Variants in SYN3 observed in about 807,000 individuals in gnomAD.
SYN3 encodes synapsin-3.
A neutral mutation model predicts 65.8 loss-of-function variants in SYN3; 35 were observed. The observed-to-expected ratio is 0.53, with a 90% CI of 0.41 to 0.70. The LOEUF (loss-of-function observed/expected upper bound fraction) is 0.70, where lower values mean the gene tolerates loss of function less well. SYN3 is among the 30% of genes least tolerant of loss of function. The pLI is 0.00. For synonymous variants in SYN3, 270 were observed against 292.9 expected (o/e 0.92, Z 0.80); for missense variants, 680 against 749.0 (o/e 0.91, Z 1.08).
chr22:32,644,073 CAAAAA>C (rs1175308291), intron 6 of SYN3, among the ~76,000 whole-genome samples: 3 of 3,912 alleles, frequency 7.7e-4, no homozygotes, highest in East Asian at 0.048. Flanking sequence ...GACTCTGCCT[CAAAAA>C]AAAAAAAAAA....
At chr22:33,004,867 C>T (rs548589490) in intron 2 of SYN3, among the ~76,000 whole-genome samples, 4 of 152,186 alleles carry the variant, frequency 2.6e-5, no homozygotes, top group African/African-American at 9.6e-5. Flanking sequence ...TGGCTGTGTA[C>T]CCACCCAAAT....
At chr22:32,714,582 T>C (rs2061011422) in intron 6 of SYN3, among the ~76,000 whole-genome samples, 1 of 152,134 alleles carries the variant, frequency 6.6e-6, no homozygotes, top group Non-Finnish European at 1.5e-5. Context: ...TTTTTTTTTT[T>C]TCTTGAAGTG....
At chr22:32,708,793 G>A (rs1050682383) in intron 6 of SYN3, among the ~76,000 whole-genome samples, 9 of 152,224 alleles carry the variant, frequency 5.9e-5, no homozygotes, top group African/African-American at 1.7e-4. Context: ...CCTTTAAAAA[G>A]GAGCAAGATG....
chr22:32,754,398 C>T (rs984586452), intron 6 of SYN3, among the ~76,000 whole-genome samples: 4 of 152,144 alleles, frequency 2.6e-5, no homozygotes, highest in African/African-American at 7.2e-5. Context: ...GTGATCTGCC[C>T]GCCTTGGCCT....
chr22:32,780,947 T>TTCCTTCCTTCCTTCCG (rs1555958509), intron 6 of SYN3, among the ~76,000 whole-genome samples: 140 of 71,072 alleles, frequency 2.0e-3, no homozygotes, highest in African/African-American at 7.0e-3. Flanking sequence ...CCTTCCTTCC[T>TTCCTTCCTTCCTTCCG]TCCTTCCTTC....
chr22:32,899,559 A>G (rs1244265767), intron 4 of SYN3, among the ~76,000 whole-genome samples: 2 of 152,220 alleles, frequency 1.3e-5, no homozygotes, highest in Non-Finnish European at 2.9e-5. Context: ...AGTGGCCTCT[A>G]TATGGCTTTA....
intron 6 of SYN3, among the ~76,000 whole-genome samples, chr22:32,738,666 T>C (rs1325765618): frequency 2.6e-5 from 4 of 152,048 alleles, no homozygotes; most frequent in African/African-American, 9.7e-5. Flanking sequence ...AATGCATGAG[T>C]AGGAATTTGC....
At chr22:32,725,619 G>A (rs935914205) in intron 6 of SYN3, among the ~76,000 whole-genome samples, 1 of 152,132 alleles carries the variant, frequency 6.6e-6, no homozygotes, top group African/African-American at 2.4e-5. Flanking sequence ...TGACTGAGGC[G>A]GAGGTCAGAG....
chr22:32,684,410 A>C (rs1328744161), intron 6 of SYN3, among the ~76,000 whole-genome samples: 1 of 152,212 alleles, frequency 6.6e-6, no homozygotes, highest in Non-Finnish European at 1.5e-5. Flanking sequence ...AATTCTAAGA[A>C]ACAAAAACAA....
chr22:32,919,885 CAT>C (rs754478180), intron 4 of SYN3, among the ~76,000 whole-genome samples: 4 of 152,094 alleles, frequency 2.6e-5, no homozygotes, highest in Non-Finnish European at 4.4e-5. Context: ...AATGGGGACA[CAT>C]AGAAAAGTCT....
intron 1 of SYN3, among the ~76,000 whole-genome samples, chr22:33,036,649 A>T (rs544219707): frequency 3.5e-5 from 5 of 143,288 alleles, no homozygotes; most frequent in Admixed American, 6.9e-5. Flanking sequence ...GTCTAAAAAA[A>T]TTTTTTTAAA....
At chr22:32,940,184 G>A (rs1476549531) in intron 3 of SYN3, among the ~76,000 whole-genome samples, 2 of 151,882 alleles carry the variant, frequency 1.3e-5, no homozygotes, top group South Asian at 4.2e-4. Context: ...CAAGTTTTTT[G>A]TTCACATTTG....
intron 6 of SYN3, among the ~76,000 whole-genome samples, chr22:32,617,773 G>A (rs2059540694): frequency 6.6e-6 from 1 of 151,998 alleles, no homozygotes; most frequent in Admixed American, 6.6e-5. Context: ...TGGAAGGGGT[G>A]TGTGTGAGGG....
intron 6 of SYN3, among the ~76,000 whole-genome samples, chr22:32,643,201 T>C (rs1348317095): frequency 6.6e-6 from 1 of 152,034 alleles, no homozygotes; most frequent in Non-Finnish European, 1.5e-5. Context: ...CCTCAGCCCC[T>C]CCTGAGTAGG....
chr22:32,754,552 A>G lies in SYN3; in HGVS notation c.711+110363T>C, dbSNP rs75951293. ...CCAGACCATCCTCTCCTGCTGCCGC[A>G]GACCTGATATGTGAAGAGTTGGTCC... On this transcript the variant is annotated intron_variant, in intron 6 of 13. Coordinates refer to ENST00000358763, the MANE Select transcript of SYN3 (RefSeq NM_003490.4). Among the ~76,000 whole-genome samples, 413 of 152,304 alleles carry G rather than the reference A, an allele frequency of 2.7e-3. 4 individuals carry two copies. The highest frequency in any genetic ancestry group is 9.6e-3 in the African/African-American group (401 of 41,572).
At chr22:32,550,585 A>G (rs887032039) in intron 7 of SYN3, among the ~76,000 whole-genome samples, 1 of 152,102 alleles carries the variant, frequency 6.6e-6, no homozygotes, top group Admixed American at 6.5e-5. Flanking sequence ...TAAAATAAAT[A>G]AGTGTTGTAA....
chr22:33,040,059 C>T (rs2053934787), intron 1 of SYN3, among the ~76,000 whole-genome samples: 1 of 150,224 alleles, frequency 6.7e-6, no homozygotes, highest in African/African-American at 2.5e-5. Context: ...ATGGAGTCTC[C>T]CGCTCTGTCG....
At chr22:32,901,222 T>C (rs1029965949) in intron 4 of SYN3, among the ~76,000 whole-genome samples, 5 of 152,226 alleles carry the variant, frequency 3.3e-5, no homozygotes, top group African/African-American at 4.8e-5. Context: ...ATTTCTGGTA[T>C]AGATAAGTGC....
chr22:32,676,265 G>A (rs1367656396), intron 6 of SYN3, among the ~76,000 whole-genome samples: 1 of 150,704 alleles, frequency 6.6e-6, no homozygotes, highest in Non-Finnish European at 1.5e-5. Context: ...TCCCAGGGCT[G>A]GAAGCCAGTC....
Sources: allele counts gnomAD v4.1 joint callset (sites outside exome capture counted in the v4.1 genomes callset), GRCh38; gene constraint gnomAD v4.1.1; transcripts MANE v1.5; gene names NCBI Gene and HGNC (gene_info 2026-07-23, HGNC 2026-07-21).